The following TTN variants were observed in gnomAD, a reference collection of about 807,000 sequenced individuals.
TTN encodes titin.
TTN carries 1,525 observed loss-of-function variants against 3,223.0 expected under a neutral mutation model. That is an observed-to-expected ratio of 0.47 (90% CI 0.45 to 0.49). The LOEUF is 0.49. TTN is among the 20% of genes least tolerant of loss of function. TTN has a pLI of 0.00. For synonymous variants in TTN, 14,094 were observed against 15,161.0 expected (o/e 0.93, Z 5.17); for missense variants, 40,786 against 43,424.0 (o/e 0.94, Z 5.40).
At chr2:178,639,608 G>A in intron 223 of TTN, 91 bp downstream of exon 223, 1 of 1,299,634 alleles carries the variant, frequency 7.7e-7, no homozygotes, top group Non-Finnish European at 1.1e-6. Flanking sequence ...CTATGTTGCA[G>A]CATAAACAGG....
chr2:178,546,410 C>T lies in TTN; in HGVS notation c.94921G>A (p.Gly31641Ser). The change falls in exon 342 of 363, where the codon GGC becomes AGC. Residue 31641 changes from glycine (G) to serine (S), a missense_variant. Gly to Ser is a moderately conservative substitution (Grantham distance 56, BLOSUM62 0). Transcript: ENST00000589042. ...CAGATAATTTTGGGTTCAGGTTTGC[C>T]ACCAACTGCAGCATCCAGAACAAGA... ...SDLVLDAAVG[G>S]KPEPKIIWTK... 1 of 1,613,726 alleles carries T rather than the reference C, an allele frequency of 6.2e-7. No individual in the cohort carries two copies. Among genetic ancestry groups the T allele is most frequent in the Non-Finnish European group, 8.5e-7 (1 of 1,179,756 alleles).
Position 178,584,268 on chromosome 2 carries a change from A to G in TTN, c.65275+8T>C, listed in dbSNP as rs1212309252. 6.5e-7 allele frequency: 1 copy of G among 1,541,540 alleles called. No homozygotes were observed. Among genetic ancestry groups the G allele is most frequent in the African/African-American group, 1.4e-5 (1 of 72,202 alleles). On this transcript the variant is annotated splice_region_variant and intron_variant, in intron 311 of 362. Coordinates refer to ENST00000589042, the MANE Select transcript of TTN (RefSeq NM_001267550.2). The stretch of plus-strand genomic sequence containing the variant: ...CAACAACAACAATAAAAAAACCCCA[A>G]AACTTACCAACTGGCATTCTTGCAG...
At position 178,588,699 on chromosome 2, in the gene TTN, C is replaced by T. The variant is rs72646851; in HGVS notation, c.63026G>A (p.Arg21009Gln). The change falls in exon 304 of 363, where the codon CGA becomes CAA. Residue 21009 changes from arginine (R) to glutamine (Q), a missense_variant. Coordinates refer to ENST00000589042, the MANE Select transcript of TTN (RefSeq NM_001267550.2). ...TGCACTCTTGTTGACAGGGACCCAT[C>T]GTGTTGAATGCTTTTCCTTTTTCTC... ...FLEKKEKHST[R>Q]WVPVNKSAIP... 1.2e-3 allele frequency: 1,882 copies of T among 1,613,182 alleles called. 22 individuals are homozygous for T. The African/African-American group carries it at 0.022, about 19-fold the overall frequency.
chr2:178,634,421 C>G lies in TTN; in HGVS notation c.42360G>C (p.Gly14120=). 6.2e-7 allele frequency: 1 copy of G among 1,612,976 alleles called. No homozygotes were observed. Among genetic ancestry groups the G allele is most frequent in the Non-Finnish European group, 8.5e-7 (1 of 1,179,436 alleles). ...VINDSQFDDE[G]VYTAEVEGKK... is the part of the protein sequence containing the mutation. ...TGCCCTCCACCTCAGCAGTATAGAC[C>G]CCTTCATCATCAAATTGAGAATCAT... Residue 14120 remains glycine (G), a synonymous_variant, in exon 230 of 363, where the codon GGG becomes GGC. Transcript: ENST00000589042. This position sits in a 1 kb window ranked among gnomAD's most constrained non-coding sequence, Gnocchi z 4.6.
chr2:178,568,104 G>GT lies in TTN; in HGVS notation c.78027dup (p.Gln26010ThrfsTer4). 6.2e-7 allele frequency: 1 copy of GT among 1,613,424 alleles called. No individual in the cohort carries two copies. The highest frequency in any genetic ancestry group is 8.5e-7 in the Non-Finnish European group (1 of 1,179,594). On this transcript the variant is annotated frameshift_variant, in exon 326 of 363. Transcript: ENST00000589042. LOFTEE classifies it high-confidence loss of function. ...CCATTGTTGACTGGTTCATGCCACT[G>GT]TATGACCATGGAGTCTTTGGAAATG...
chr2:178,542,103 T>C (rs1694857028), intron 349 of TTN, 161 bp downstream of exon 349: 1 of 686,586 alleles, frequency 1.5e-6, no homozygotes, highest in Non-Finnish European at 2.2e-6. Context: ...AAAAGGAGGT[T>C]TAGAAACCTG....
At position 178,534,833 on chromosome 2, in the gene TTN, GA is replaced by G. The variant is rs1387987435; in HGVS notation, c.101781del (p.Gln33928SerfsTer31). 1 of 1,609,734 alleles carries G rather than the reference GA, an allele frequency of 6.2e-7. No individual in the cohort carries two copies. Among genetic ancestry groups the G allele is most frequent in the Non-Finnish European group, 8.5e-7 (1 of 1,179,798 alleles). On this transcript the variant is annotated frameshift_variant, in exon 358 of 363. Coordinates refer to ENST00000589042, the MANE Select transcript of TTN (RefSeq NM_001267550.2). LOFTEE classifies it high-confidence loss of function. The stretch of plus-strand genomic sequence containing the variant: ...CCAATATTATGACTGTGTAAAAACT[GA>G]AGTGCTTCACAGACCTGGTGAACAT... ...VSYVHQVCEA[L>X]QFLHSHNIGH...
In TTN at chr2:178,651,523, G is replaced by A. The variant is rs397517557; in HGVS notation, c.39477C>T (p.Pro13159=). The change falls in exon 207 of 363, where the codon CCC becomes CCT. Residue 13159 remains proline, a synonymous_variant. Transcript: ENST00000589042. Reference sequence around the variant, plus strand: ...CCTTCTTTTCAGGAACAACCTCCTTGGGCACCTCGGGCACTATAAAAGATA... The same window carrying A: ...CCTTCTTTTCAGGAACAACCTCCTTAGGCACCTCGGGCACTATAAAAGATA... The part of the protein sequence containing the change: ...ELPPVKVPEV[P]KEVVPEKKVP... 6.2e-7 allele frequency: 1 copy of A among 1,612,400 alleles called. No individual in the cohort carries two copies. Among genetic ancestry groups the A allele is most frequent in the Non-Finnish European group, 8.5e-7 (1 of 1,179,338 alleles).
chr2:178,530,067 A>C lies in TTN; in HGVS notation c.106424T>G (p.Phe35475Cys). The stretch of plus-strand genomic sequence containing the variant: ...ATCAGTCTTATGAATTTCTAAGAAG[A>C]ACCCTCCCTTGTCTTCAGAGAGTTT... ...KYKLSEDKGG[F>C]FLEIHKTDTS... Residue 35475 changes from phenylalanine to cysteine, a missense_variant, in exon 359 of 363, where the codon TTC becomes TGC. Physicochemically the swap from Phe to Cys is radical, Grantham distance 205. Transcript: ENST00000589042. The C allele has an allele frequency of 6.2e-7, 1 of 1,611,484 alleles. No individual in the cohort carries two copies. Among genetic ancestry groups the C allele is most frequent in the Non-Finnish European group, 8.5e-7 (1 of 1,179,242 alleles).
Position 178,614,289 on chromosome 2 carries a change from G to A in TTN, c.49108C>T (p.Leu16370=). The A allele has an allele frequency of 6.2e-7, 1 of 1,612,704 alleles. No individual in the cohort carries two copies. The change falls in exon 262 of 363, where the codon CTA becomes TTA. Residue 16370 remains leucine (L), a synonymous_variant. Transcript: ENST00000589042. ...TCATCGCGTGGTGGGTTCCATGTTA[G>A]AAGACATGACTCATTGGTTACATCT... ...ITDVTNESCL[L]TWNPPRDDGG...
At chr2:178,580,855 G>A in intron 316 of TTN, 2 of 486,012 alleles carry the variant, frequency 4.1e-6, no homozygotes, top group Non-Finnish European at 7.2e-6. Context: ...CCTCTTTCAT[G>A]AGCCTTATGT....
chr2:178,546,048 T>C lies in TTN; in HGVS notation c.95188A>G (p.Ser31730Gly), dbSNP rs1213250473. Residue 31730 changes from serine (S) to glycine (G), a missense_variant, in exon 343 of 363, where the codon AGC becomes GGC. Coordinates refer to ENST00000589042, the MANE Select transcript of TTN (RefSeq NM_001267550.2). Reference protein sequence around the residue: ...VTQEKCTLAWSLPQEDGGAEI... With the variant: ...VTQEKCTLAWGLPQEDGGAEI... ...GCTCCTCCGTCTTCCTGCGGAAGGC[T>C]CCAGGCTAAAGTGCACTTCTCCTGT... 6.2e-7 allele frequency: 1 copy of C among 1,613,758 alleles called. No individual in the cohort carries two copies. Among genetic ancestry groups the C allele is most frequent in the Non-Finnish European group, 8.5e-7 (1 of 1,179,744 alleles).
intron 113 of TTN, 99 bp from the exon 114 acceptor site, chr2:178,696,368 T>A: frequency 9.7e-7 from 1 of 1,031,532 alleles, no homozygotes; most frequent in Non-Finnish European, 1.3e-6. Context: ...GTATTTCAGA[T>A]CTATTTTATT....
Position 178,710,743 on chromosome 2 carries a change from C to T in TTN, c.28354G>A (p.Ala9452Thr), listed in dbSNP as rs527663092. Residue 9452 changes from alanine (A) to threonine (T), a missense_variant, in exon 98 of 363, where the codon GCC becomes ACC. By Grantham distance (58) the Ala-to-Thr change is moderately conservative (BLOSUM62 0). Transcript: ENST00000589042. ...KYQISYLENS[A>T]HLTVLKVDKG... ...TCTACTTTGAGGACTGTCAGGTGGG[C>T]GCTGTTTTCCAGATAACTAATCTGG... is the stretch of plus-strand genomic sequence containing the variant. 59 of 1,613,806 alleles carry T rather than the reference C, an allele frequency of 3.7e-5. No individual in the cohort carries two copies. In the South Asian group the frequency reaches 4.0e-4, roughly 11 times the overall value.
chr2:178,670,348 A>G, intron 156 of TTN, 53 bp from the exon 157 acceptor site: 10 of 1,096,532 alleles, frequency 9.1e-6, no homozygotes, highest in Non-Finnish European at 1.2e-5. Flanking sequence ...CAATTTTTTA[A>G]CAAGCAGAGC....
chr2:178,531,313 G>A lies in TTN; in HGVS notation c.105302C>T (p.Ser35101Phe). The A allele has an allele frequency of 6.2e-7, 1 of 1,614,020 alleles. No homozygotes were observed. The highest frequency in any genetic ancestry group is 8.5e-7 in the Non-Finnish European group (1 of 1,179,884). ...ESLSSYEHSA[S>F]AEMKSAALEE... ...TAATGCAGCACTTTTCATTTCTGCAGATGCAGAGTGTTCATATGAGGAGAG... is the reference window on the plus strand; with the variant it reads ...TAATGCAGCACTTTTCATTTCTGCAAATGCAGAGTGTTCATATGAGGAGAG... Residue 35101 changes from serine (S) to phenylalanine (F), a missense_variant, in exon 358 of 363, where the codon TCT (serine) becomes TTT (phenylalanine). Coordinates refer to ENST00000589042, the MANE Select transcript of TTN (RefSeq NM_001267550.2).
rs749855424 is a variant in TTN at position 178,608,688 on chromosome 2, G to A, written c.52323C>T (p.Tyr17441=). The A allele has an allele frequency of 4.3e-6, 7 of 1,612,284 alleles. No individual in the cohort carries two copies. In the South Asian group the frequency reaches 5.5e-5, roughly 13 times the overall value. ...TGTTTTCAGCTCTTACACGGAAGAG[G>A]TACTCTTTTCCTTCAATCAGTTTTG... is the stretch of plus-strand genomic sequence containing the variant. ...SVTKLIEGKE[Y]LFRVRAENRF... The change falls in exon 274 of 363, where the codon TAC becomes TAT. Residue 17441 remains tyrosine (Y), a synonymous_variant. Coordinates refer to ENST00000589042, the MANE Select transcript of TTN (RefSeq NM_001267550.2).
At chr2:178,616,282 A>G (rs1272231316) in intron 257 of TTN, among the ~76,000 whole-genome samples, 197 bp downstream of exon 257, 1 of 151,802 alleles carries the variant, frequency 6.6e-6, no homozygotes, top group Non-Finnish European at 1.5e-5. Flanking sequence ...AAGACAAGAC[A>G]ATTACAATTA....
intron 60 of TTN, 35 bp from the exon 61 acceptor site, chr2:178,730,827 G>C (rs749210867): frequency 1.2e-5 from 19 of 1,540,252 alleles, no homozygotes; most frequent in Middle Eastern, 1.8e-4. Flanking sequence ...AACAAAAAAA[G>C]GTCAATCTAC....
Sources: allele counts gnomAD v4.1 joint callset (sites outside exome capture counted in the v4.1 genomes callset), GRCh38; gene constraint gnomAD v4.1.1; non-coding constraint Gnocchi (gnomAD v3.1); transcripts MANE v1.5; gene names NCBI Gene and HGNC (gene_info 2026-07-23, HGNC 2026-07-21).